The following ERAP1 variants were observed in gnomAD, a reference collection of about 807,000 sequenced individuals.
The protein encoded by ERAP1 is endoplasmic reticulum aminopeptidase 1.
Under a neutral mutation model 103.7 loss-of-function variants are expected in ERAP1, and 86 were observed. The observed-to-expected ratio is 0.83, with a 90% CI of 0.70 to 0.99. ERAP1 has a LOEUF of 0.99. ERAP1 is among the 50% of genes least tolerant of loss of function. The probability of loss-of-function intolerance (pLI) is 0.00; values close to 1 mark genes in which losing one functional copy is unlikely to be tolerated. For synonymous variants in ERAP1, 398 were observed against 402.4 expected (o/e 0.99, Z 0.13); for missense variants, 1,009 against 1,128.4 (o/e 0.89, Z 1.52).
At chr5:96,864,685 A>G in the ERAP1 span, among the ~76,000 whole-genome samples, 2 of 152,214 alleles carry the variant, frequency 1.3e-5, no homozygotes, top group Non-Finnish European at 2.9e-5. Flanking sequence ...TGCTTTAAAA[A>G]GAAATTATCC....
the ERAP1 span, among the ~76,000 whole-genome samples, chr5:96,818,685 TA>T: frequency 6.6e-6 from 1 of 152,142 alleles, no homozygotes; most frequent in Admixed American, 6.5e-5. Flanking sequence ...CCCTCTTGGA[TA>T]AAGATAGTTT....
At chr5:96,858,818 C>T in the ERAP1 span, among the ~76,000 whole-genome samples, 3 of 152,002 alleles carry the variant, frequency 2.0e-5, no homozygotes, top group African/African-American at 4.8e-5. Flanking sequence ...AATAGAAGCC[C>T]AGCAAAGGAA....
At chr5:96,890,013 A>G in the ERAP1 span, among the ~76,000 whole-genome samples, 1 of 152,166 alleles carries the variant, frequency 6.6e-6, no homozygotes, top group Non-Finnish European at 1.5e-5. Flanking sequence ...TTGGGCACTG[A>G]GGTTGGATGG....
the ERAP1 span, chr5:96,917,629 G>A: frequency 4.4e-6 from 7 of 1,598,076 alleles, no homozygotes; most frequent in Non-Finnish European, 6.0e-6. Flanking sequence ...AAAGTAGGCT[G>A]GGCGCGGTGG....
chr5:96,810,091 C>T (rs1359510533), upstream of ERAP1, among the ~76,000 whole-genome samples: 1 of 152,176 alleles, frequency 6.6e-6, no homozygotes, highest in East Asian at 1.9e-4. Context: ...ACGCCGTTTC[C>T]CCAAAAGCTC....
At chr5:96,892,237 A>G in the ERAP1 span, 1 of 1,554,838 alleles carries the variant, frequency 6.4e-7, no homozygotes, top group Non-Finnish European at 8.9e-7. Flanking sequence ...TTGAGCAGAG[A>G]GCAAATTCTA....
At chr5:96,832,381 T>C in the ERAP1 span, among the ~76,000 whole-genome samples, 1 of 152,160 alleles carries the variant, frequency 6.6e-6, no homozygotes, top group African/African-American at 2.4e-5. Context: ...AATCAATGGG[T>C]AGAATAGAAT....
chr5:96,784,036 T>C lies in ERAP1; in HGVS notation c.1988A>G (p.Tyr663Cys), dbSNP rs143726979. 5 of 1,613,970 alleles carry C rather than the reference T, an allele frequency of 3.1e-6. No individual in the cohort carries two copies. The highest frequency in any genetic ancestry group is 4.2e-6 in the Non-Finnish European group (5 of 1,179,992). ...CATAATTTCAGTTTCATGTTTCAAG[T>C]ACAGGGATAAATCCAAGGCCTTTTC... ...SIEKALDLSL[Y>C]LKHETEIMPV... The change falls in exon 14 of 19, where the codon TAC (tyrosine) becomes TGC (cysteine). Residue 663 changes from tyrosine (Y) to cysteine (C), a missense_variant. Coordinates refer to ENST00000443439, the MANE Select transcript of ERAP1 (RefSeq NM_001040458.3).
Position 96,807,887 on chromosome 5 carries a change from T to TGCG in ERAP1, c.-48_-46dup. 1.0e-6 allele frequency: 1 copy of TGCG among 986,196 alleles called. No individual in the cohort carries two copies. The highest frequency in any genetic ancestry group is 1.2e-6 in the Non-Finnish European group (1 of 830,636). 61.1% of individuals were successfully genotyped at this position (986,196 alleles called of 1,614,324 possible). On this transcript the variant is annotated 5_prime_UTR_variant, in exon 1 of 19. Coordinates refer to ENST00000443439, the MANE Select transcript of ERAP1 (RefSeq NM_001040458.3). ...GGGGTTCTGGGGCCGCCCTCACCCTTGCGCCGCCGCCACCACCACTGCCGC... is the reference window on the plus strand; with the variant it reads ...GGGGTTCTGGGGCCGCCCTCACCCTTGCGGCGCCGCCGCCACCACCACTGCCGC...
downstream of ERAP1, chr5:96,772,234 T>C (rs1772669720): frequency 6.5e-6 from 1 of 153,732 alleles, no homozygotes; most frequent in African/African-American, 2.4e-5. Flanking sequence ...TTCTAATTTA[T>C]AATTGCTGAA....
chr5:96,857,112 G>T, the ERAP1 span, among the ~76,000 whole-genome samples: 3 of 152,152 alleles, frequency 2.0e-5, no homozygotes, highest in African/African-American at 4.8e-5. Flanking sequence ...CTCTGCATCT[G>T]CTCTTCTCTT....
In ERAP1 at chr5:96,794,055, C is replaced by T. The variant is rs1210204683; in HGVS notation, c.920-98G>A. 2.4e-5 allele frequency: 29 copies of T among 1,223,074 alleles called. 1 individual carries two copies. The highest frequency in any genetic ancestry group is 2.9e-5 in the Non-Finnish European group (24 of 829,672). 75.8% of individuals were successfully genotyped at this position (1,223,074 alleles called of 1,614,324 possible). The stretch of plus-strand genomic sequence containing the variant: ...TGGATAGGTGTTTGAACCAGCTGCC[C>T]GTGCATAATCATGGAGCTCTAGACT... On this transcript the variant is annotated intron_variant, in intron 5 of 18. Coordinates refer to ENST00000443439, the MANE Select transcript of ERAP1 (RefSeq NM_001040458.3).
At chr5:96,805,225 T>C (rs954553505) in intron 1 of ERAP1, among the ~76,000 whole-genome samples, 24 of 152,080 alleles carry the variant, frequency 1.6e-4, no homozygotes, top group African/African-American at 5.3e-4. Flanking sequence ...TGCATATTAA[T>C]GTAACCTGGG....
chr5:96,781,018 G>T, intron 17 of ERAP1, 40 bp downstream of exon 17: 1 of 1,612,564 alleles, frequency 6.2e-7, no homozygotes, highest in South Asian at 1.1e-5. Context: ...GTAAGGTTAT[G>T]AACTTATCCA....
the ERAP1 span, among the ~76,000 whole-genome samples, chr5:96,923,215 C>T: frequency 6.6e-6 from 1 of 152,090 alleles, no homozygotes; most frequent in Non-Finnish European, 1.5e-5. Flanking sequence ...CCCGTCCTGC[C>T]GCCTTGGGCT....
At chr5:96,908,305 C>A in the ERAP1 span, among the ~76,000 whole-genome samples, 14 of 152,136 alleles carry the variant, frequency 9.2e-5, no homozygotes, top group African/African-American at 3.4e-4. Flanking sequence ...TATAATCGTT[C>A]GTTTCCTCTA....
At chr5:96,908,477 G>T in the ERAP1 span, among the ~76,000 whole-genome samples, 1 of 152,088 alleles carries the variant, frequency 6.6e-6, no homozygotes, top group Non-Finnish European at 1.5e-5. Context: ...TAGGATTAAG[G>T]ACAAACATCA....
the ERAP1 span, among the ~76,000 whole-genome samples, chr5:96,870,009 A>G: frequency 1.3e-5 from 2 of 152,336 alleles, no homozygotes; most frequent in African/African-American, 2.4e-5. Flanking sequence ...TTACTAAGCT[A>G]AGATTCTAGA....
the ERAP1 span, chr5:96,909,721 G>A: frequency 4.3e-6 from 7 of 1,614,052 alleles, no homozygotes; most frequent in Middle Eastern, 1.6e-4. Flanking sequence ...CCAGAAAGCT[G>A]CTGAACTCTT....
Sources: gnomAD v4.1 joint callset for allele counts (sites outside exome capture counted in the v4.1 genomes callset) on GRCh38, gnomAD v4.1.1 for gene constraint, MANE v1.5 for transcripts, NCBI Gene and HGNC (gene_info 2026-07-23, HGNC 2026-07-21) for gene names.